MBOAT1: variants seen among roughly 807,000 people sequenced by gnomAD.
The protein encoded by MBOAT1 is membrane-bound glycerophospholipid O-acyltransferase 1.
A neutral mutation model predicts 64.4 loss-of-function variants in MBOAT1; 67 were observed. The ratio of observed to expected loss-of-function variants is 1.04; its 90% CI spans 0.85 to 1.27. The LOEUF is 1.27. MBOAT1 is among the 50% of genes most tolerant of loss of function. MBOAT1 has a pLI of 0.00. For missense variants in MBOAT1, 563 were observed against 604.6 expected (o/e 0.93, Z 0.72); for synonymous variants, 229 against 218.9 (o/e 1.05, Z -0.41).
In MBOAT1 at chr6:20,118,434, C is replaced by T. The variant is rs1444003468; in HGVS notation, c.1011+3G>A. On this transcript the variant is annotated splice_donor_region_variant and intron_variant, in intron 9 of 12. Transcript: ENST00000324607. ...GAAGTTGGACTTAAAAGCATACACT[C>T]ACCTCAATTTTCCAGATGTTTAGGT... The T allele has an allele frequency of 1.2e-6, 2 of 1,611,688 alleles. No homozygotes were observed. The highest frequency in any genetic ancestry group is 1.7e-5 in the Admixed American group (1 of 60,026).
At chr6:20,103,632 G>C (rs1464717678) in intron 12 of MBOAT1, among the ~76,000 whole-genome samples, 3 of 152,116 alleles carry the variant, frequency 2.0e-5, no homozygotes, top group Non-Finnish European at 4.4e-5. Context: ...TCTCCATGTT[G>C]GTCAGGCTGG....
chr6:20,117,552 T>C (rs754661539), intron 9 of MBOAT1, among the ~76,000 whole-genome samples: 36 of 152,336 alleles, frequency 2.4e-4, no homozygotes, highest in Non-Finnish European at 4.3e-4. Flanking sequence ...GCAAAAGATG[T>C]TGGGGGCTTC....
intron 1 of MBOAT1, among the ~76,000 whole-genome samples, chr6:20,207,107 T>C (rs1016407304): frequency 1.3e-5 from 2 of 152,234 alleles, no homozygotes; most frequent in African/African-American, 4.8e-5. Flanking sequence ...TGCATATTCA[T>C]CCGTCTAAAA....
intron 1 of MBOAT1, among the ~76,000 whole-genome samples, chr6:20,174,678 C>T (rs181469467): frequency 1.1e-4 from 17 of 152,296 alleles, no homozygotes; most frequent in East Asian, 5.8e-4. Context: ...TGTGACATTA[C>T]GACAGCTAGG....
intron 12 of MBOAT1, 135 bp from the exon 13 acceptor site, chr6:20,102,547 T>A: frequency 1.5e-6 from 1 of 648,064 alleles, no homozygotes; most frequent in Non-Finnish European, 2.6e-6. Context: ...CACTCAGGCT[T>A]CCCTCAATCT....
At chr6:20,197,759 A>G (rs1762999389) in intron 1 of MBOAT1, among the ~76,000 whole-genome samples, 2 of 152,186 alleles carry the variant, frequency 1.3e-5, no homozygotes, top group Admixed American at 1.3e-4. Flanking sequence ...CTTTGGGTAC[A>G]TGTCGTCAGG....
At chr6:20,131,120 CA>C in intron 5 of MBOAT1, 23 bp downstream of exon 5, 1 of 1,609,080 alleles carries the variant, frequency 6.2e-7, no homozygotes. Context: ...CTCTGAGAAC[CA>C]AAAGGAGGGC....
At position 20,151,236 on chromosome 6, in the gene MBOAT1, A is replaced by C. The variant is rs1303291377; in HGVS notation, c.272T>G (p.Val91Gly). The C allele has an allele frequency of 1.2e-6, 2 of 1,613,242 alleles. No homozygotes were observed. The highest frequency in any genetic ancestry group is 1.7e-6 in the Non-Finnish European group (2 of 1,179,442). ...GACCATGATTGCATAGCACATTAAC[A>C]CCAGCACAAAAAGATGCACAGAGTA... ...GWYSVHLFVL[V>G]LMCYAIMVTA... Residue 91 changes from valine (V) to glycine (G), a missense_variant, in exon 3 of 13, where the codon GTG (valine) becomes GGG (glycine). Transcript: ENST00000324607.
chr6:20,207,317 T>C (rs895589440), intron 1 of MBOAT1, among the ~76,000 whole-genome samples: 5 of 152,302 alleles, frequency 3.3e-5, no homozygotes, highest in African/African-American at 1.2e-4. Flanking sequence ...ACTTAAACCC[T>C]GCGATGTCCT....
At chr6:20,189,908 C>A (rs1369089412) in intron 1 of MBOAT1, among the ~76,000 whole-genome samples, 1 of 152,014 alleles carries the variant, frequency 6.6e-6, no homozygotes, top group South Asian at 2.1e-4. Flanking sequence ...TTATGTATTA[C>A]ATTTCCTTCA....
intron 1 of MBOAT1, 38 bp downstream of exon 1, chr6:20,212,098 G>A: frequency 6.3e-7 from 1 of 1,589,292 alleles, no homozygotes; most frequent in Non-Finnish European, 8.6e-7. Context: ...CGCGATCGCT[G>A]GGGAGCTGGG....
At chr6:20,152,809 T>C (rs1761560555) in intron 1 of MBOAT1, 40 bp from the exon 2 acceptor site, 1 of 1,571,220 alleles carries the variant, frequency 6.4e-7, no homozygotes, top group Non-Finnish European at 8.6e-7. Context: ...TTTGTGTGAA[T>C]TTCGTCTTGG....
chr6:20,151,226 G>T lies in MBOAT1; in HGVS notation c.282C>A (p.Cys94Ter), dbSNP rs1309478809. ...CACTAGCAGTGACCATGATTGCATAGCACATTAACACCAGCACAAAAAGAT... is the reference window on the plus strand; with the variant it reads ...CACTAGCAGTGACCATGATTGCATATCACATTAACACCAGCACAAAAAGAT... ...SVHLFVLVLM[C>*]YAIMVTASVS... Residue 94 changes from cysteine (C) to a stop codon, truncating the protein, a stop_gained, in exon 3 of 13, where the codon TGC (cysteine) becomes TGA (stop). Coordinates refer to ENST00000324607, the MANE Select transcript of MBOAT1 (RefSeq NM_001080480.3). LOFTEE classifies it high-confidence loss of function. The T allele has an allele frequency of 6.2e-7, 1 of 1,613,386 alleles. No homozygotes were observed. Among genetic ancestry groups the T allele is most frequent in the Non-Finnish European group, 8.5e-7 (1 of 1,179,558 alleles).
At chr6:20,212,108 G>A (rs1355281961) in intron 1 of MBOAT1, 28 bp downstream of exon 1, 1 of 1,604,484 alleles carries the variant, frequency 6.2e-7, no homozygotes. Flanking sequence ...GGGGAGCTGG[G>A]GTCGCTGCGC....
intron 12 of MBOAT1, among the ~76,000 whole-genome samples, chr6:20,105,029 A>C (rs1368315053): frequency 6.6e-6 from 1 of 152,206 alleles, no homozygotes; most frequent in African/African-American, 2.4e-5. Flanking sequence ...TACTGTCTAA[A>C]CCAAGACATT....
chr6:20,119,616 T>C (rs1434451162), intron 8 of MBOAT1, among the ~76,000 whole-genome samples: 4 of 152,186 alleles, frequency 2.6e-5, no homozygotes, highest in African/African-American at 4.8e-5. Context: ...TAACACTGCT[T>C]ATCTTACGCT....
intron 12 of MBOAT1, among the ~76,000 whole-genome samples, chr6:20,105,923 AT>A (rs1377370382): frequency 6.6e-6 from 1 of 152,252 alleles, no homozygotes; most frequent in Non-Finnish European, 1.5e-5. Context: ...ATATTTAAGT[AT>A]TCACTTGGGC....
intron 1 of MBOAT1, among the ~76,000 whole-genome samples, chr6:20,182,531 A>G (rs1357221934): frequency 6.6e-6 from 1 of 152,132 alleles, no homozygotes; most frequent in East Asian, 1.9e-4. Context: ...ACCTTCCTCT[A>G]TTCTCTCCCT....
At chr6:20,185,959 A>T (rs1284583308) in intron 1 of MBOAT1, among the ~76,000 whole-genome samples, 1 of 152,144 alleles carries the variant, frequency 6.6e-6, no homozygotes, top group Non-Finnish European at 1.5e-5. Flanking sequence ...AGGTGGGAGG[A>T]TCACTTGAGG....
Sources: allele counts gnomAD v4.1 joint callset (sites outside exome capture counted in the v4.1 genomes callset), GRCh38; gene constraint gnomAD v4.1.1; transcripts MANE v1.5; gene names NCBI Gene and HGNC (gene_info 2026-07-23, HGNC 2026-07-21).